SYBU: variants seen among roughly 807,000 people sequenced by gnomAD.
SYBU encodes syntabulin, also known as GOLSYN A protein.
A neutral mutation model predicts 35.9 loss-of-function variants in SYBU; 21 were observed. The observed-to-expected ratio is 0.58, with a 90% CI of 0.41 to 0.84. The LOEUF is 0.84. SYBU is among the 40% of genes least tolerant of loss of function. SYBU has a pLI of 0.00. For synonymous variants in SYBU, 319 were observed against 324.3 expected (o/e 0.98, Z 0.18); for missense variants, 768 against 848.2 (o/e 0.91, Z 1.17).
chr8:109,581,607 G>A (rs944106687), intron 4 of SYBU, among the ~76,000 whole-genome samples: 1 of 152,182 alleles, frequency 6.6e-6, no homozygotes, highest in Admixed American at 6.5e-5. Flanking sequence ...CAAAAAAAGA[G>A]AAAACAAGAT....
intron 1 of SYBU, among the ~76,000 whole-genome samples, chr8:109,678,319 C>A (rs565328198): frequency 6.6e-6 from 1 of 151,038 alleles, no homozygotes; most frequent in Admixed American, 6.6e-5. Context: ...TGTCCCATAA[C>A]TTAAGATTGT....
chr8:109,586,179 G>A lies in SYBU; in HGVS notation c.428-17C>T, dbSNP rs1446294379. 35 of 1,579,068 alleles carry A rather than the reference G, an allele frequency of 2.2e-5. No homozygotes were observed. The highest frequency in any genetic ancestry group is 2.9e-5 in the Non-Finnish European group (33 of 1,157,584). The stretch of plus-strand genomic sequence containing the variant: ...CTTCACTACCTGAAAAACAACAGGG[G>A]AGAGAGAAGCGTGAGGGAAAGGAAA... On this transcript the variant is annotated splice_polypyrimidine_tract_variant and intron_variant, in intron 3 of 6. Transcript: ENST00000276646.
chr8:109,668,473 T>G (rs1019765169), intron 1 of SYBU, among the ~76,000 whole-genome samples: 1 of 152,230 alleles, frequency 6.6e-6, no homozygotes, highest in African/African-American at 2.4e-5. Context: ...TTTAACTATA[T>G]TACTATGACT....
intron 3 of SYBU, among the ~76,000 whole-genome samples, chr8:109,599,129 C>G (rs2703390): frequency 7.2e-5 from 11 of 152,082 alleles, no homozygotes; most frequent in African/African-American, 2.4e-4. Context: ...AAAGTCTTAA[C>G]GAAATCATCA....
chr8:109,646,152 A>G (rs1306591192), upstream of SYBU: 1 of 152,226 alleles, frequency 6.6e-6, no homozygotes, highest in African/African-American at 2.4e-5. Context: ...CTTAAATCTT[A>G]TCTGGTGGTG....
At chr8:109,633,291 A>T (rs1221659148) in intron 2 of SYBU, among the ~76,000 whole-genome samples, 1 of 152,232 alleles carries the variant, frequency 6.6e-6, no homozygotes, top group East Asian at 1.9e-4. Context: ...CTGCCTGGTC[A>T]CCCACACACA....
chr8:109,690,479 C>T (rs565568037), intron 1 of SYBU, among the ~76,000 whole-genome samples: 2 of 152,272 alleles, frequency 1.3e-5, no homozygotes, highest in African/African-American at 4.8e-5. Flanking sequence ...TTATAGCTGC[C>T]CTTTGCTTCT....
intron 3 of SYBU, among the ~76,000 whole-genome samples, chr8:109,587,948 T>C (rs1823817423): frequency 6.6e-6 from 1 of 152,224 alleles, no homozygotes; most frequent in Non-Finnish European, 1.5e-5. Context: ...AGGAATACAC[T>C]GGTTAAACTG....
chr8:109,585,819 T>C (rs60360512), intron 4 of SYBU: 5,222 of 517,302 alleles, frequency 0.01, 231 homozygotes, highest in African/African-American at 0.092. Context: ...GGAGTGGGCA[T>C]AGAGTCAAGG....
chr8:109,644,353 G>A (rs1200899740), intron 1 of SYBU: 8 of 604,650 alleles, frequency 1.3e-5, no homozygotes, highest in Non-Finnish European at 2.1e-5. Context: ...ACACACACAG[G>A]ATATCAACTG....
chr8:109,644,850 C>T (rs1014101782), upstream of SYBU: 71 of 567,798 alleles, frequency 1.3e-4, no homozygotes, highest in Non-Finnish European at 1.9e-4. Context: ...CCGACCCCGC[C>T]CCGGCCGGAC....
chr8:109,615,242 T>C (rs1586835573), intron 3 of SYBU, among the ~76,000 whole-genome samples: 1 of 152,290 alleles, frequency 6.6e-6, no homozygotes, highest in African/African-American at 2.4e-5. Flanking sequence ...TATTAATGAG[T>C]TGACTTATTT....
chr8:109,601,970 T>G (rs937380030), intron 3 of SYBU, among the ~76,000 whole-genome samples: 1 of 152,138 alleles, frequency 6.6e-6, no homozygotes, highest in African/African-American at 2.4e-5. Flanking sequence ...GAAGACAACA[T>G]GACAGCAATA....
At chr8:109,616,804 G>A (rs890974066) in intron 3 of SYBU, among the ~76,000 whole-genome samples, 1 of 151,464 alleles carries the variant, frequency 6.6e-6, no homozygotes, top group Non-Finnish European at 1.5e-5. Context: ...TGTTGACTGA[G>A]TCTCTAATGT....
chr8:109,633,391 A>G (rs985873137), intron 2 of SYBU, among the ~76,000 whole-genome samples: 13 of 152,346 alleles, frequency 8.5e-5, no homozygotes, highest in African/African-American at 3.1e-4. Context: ...TATGACTTCT[A>G]GTGGGATGGG....
chr8:109,621,347 G>T (rs780649447), intron 2 of SYBU, among the ~76,000 whole-genome samples: 17 of 152,194 alleles, frequency 1.1e-4, no homozygotes. Context: ...GTGTGTAAGA[G>T]GCAGTAGCAA....
chr8:109,667,582 A>G (rs1157085993), intron 1 of SYBU, among the ~76,000 whole-genome samples: 3 of 150,624 alleles, frequency 2.0e-5, no homozygotes, highest in African/African-American at 7.3e-5. Context: ...AATACTGTGC[A>G]TAAATAAAAT....
chr8:109,636,981 C>T (rs911862707), intron 2 of SYBU, among the ~76,000 whole-genome samples: 2 of 152,154 alleles, frequency 1.3e-5, no homozygotes, highest in African/African-American at 4.8e-5. Flanking sequence ...GCCTGGCTGG[C>T]CACCGTTTCT....
At chr8:109,587,073 G>A (rs1432403075) in intron 3 of SYBU, among the ~76,000 whole-genome samples, 1 of 152,206 alleles carries the variant, frequency 6.6e-6, no homozygotes, top group East Asian at 1.9e-4. Flanking sequence ...TTTTAAAAAC[G>A]TGAAGTACCA....
Sources: gnomAD v4.1 joint callset for allele counts (sites outside exome capture counted in the v4.1 genomes callset) on GRCh38, gnomAD v4.1.1 for gene constraint, MANE v1.5 for transcripts, NCBI Gene and HGNC (gene_info 2026-07-23, HGNC 2026-07-21) for gene names.